MARCHF1: variants seen among roughly 807,000 people sequenced by gnomAD.
The protein encoded by MARCHF1 is E3 ubiquitin-protein ligase MARCHF1.
In MARCHF1, 40 loss-of-function variants were observed where a neutral mutation model predicts 54.2. The ratio of observed to expected loss-of-function variants is 0.74; its 90% CI spans 0.57 to 0.96. MARCHF1 has a LOEUF of 0.96. Among genes scored for constraint, MARCHF1 ranks in the 40% least tolerant of loss-of-function variants. MARCHF1 has a pLI of 0.00. For missense variants in MARCHF1, 586 were observed against 656.5 expected, an observed-to-expected ratio of 0.89 and a Z score of 1.17; for synonymous variants, 236 against 236.3, an observed-to-expected ratio of 1.00 and a Z score of 0.01.
At chr4:163,958,057 C>A (rs1221324169) in intron 3 of MARCHF1, among the ~76,000 whole-genome samples, 1 of 152,062 alleles carries the variant, frequency 6.6e-6, no homozygotes, top group Non-Finnish European at 1.5e-5. Flanking sequence ...CACTTCTCAA[C>A]TCCCTTTTAT....
At chr4:164,190,612 G>A (rs1326445023) in intron 1 of MARCHF1, among the ~76,000 whole-genome samples, 1 of 152,134 alleles carries the variant, frequency 6.6e-6, no homozygotes, top group Non-Finnish European at 1.5e-5. Context: ...TTAACAACTG[G>A]GTCATGTTCA....
At chr4:163,600,796 G>C (rs568125872) in intron 7 of MARCHF1, among the ~76,000 whole-genome samples, 1 of 152,168 alleles carries the variant, frequency 6.6e-6, no homozygotes, top group South Asian at 2.1e-4. Flanking sequence ...AACATGGAGA[G>C]GTTTTGATTA....
intron 2 of MARCHF1, among the ~76,000 whole-genome samples, chr4:164,052,146 TG>T (rs202201966): frequency 0.025 from 1,369 of 53,722 alleles, 15 homozygotes; most frequent in East Asian, 0.053. Flanking sequence ...TTTTTTTTTT[TG>T]TTTTTTTTGT....
At chr4:164,143,933 A>C (rs938392849) in intron 1 of MARCHF1, among the ~76,000 whole-genome samples, 4 of 152,192 alleles carry the variant, frequency 2.6e-5, no homozygotes, top group Non-Finnish European at 2.9e-5. Context: ...AACCCATCTC[A>C]CGTGCAGAGA....
Position 163,527,596 on chromosome 4 carries a change from C to CACTT in MARCHF1, c.*1148_*1151dup, listed in dbSNP as rs1275820585. 12 of 151,454 alleles carry CACTT rather than the reference C, an allele frequency of 7.9e-5. No individual in the cohort carries two copies. Among genetic ancestry groups the CACTT allele is most frequent in the African/African-American group, 1.2e-4 (5 of 41,272 alleles). 9.4% of individuals were successfully genotyped at this position (151,454 alleles called of 1,614,324 possible). ...ACTTCATCTGACTTTAAAATGAGGA[C>CACTT]ACTTAATTTAATGCTTTTAAAAATC... On this transcript the variant is annotated 3_prime_UTR_variant, in exon 10 of 10. Coordinates refer to ENST00000514618, the MANE Select transcript of MARCHF1 (RefSeq NM_001394959.1).
Position 163,527,538 on chromosome 4 carries a change from A to ATACTT in MARCHF1, c.*1205_*1209dup, listed in dbSNP as rs1560922291. ...GGCAGATTGATTGTTTTATCTTTCT[A>ATACTT]TACTTTTGGATTTTTACCCTTTAGA... On this transcript the variant is annotated 3_prime_UTR_variant, in exon 10 of 10. Coordinates refer to ENST00000514618, the MANE Select transcript of MARCHF1 (RefSeq NM_001394959.1). 3.9e-5 allele frequency: 6 copies of ATACTT among 152,046 alleles called. No homozygotes were observed. The highest frequency in any genetic ancestry group is 1.4e-4 in the African/African-American group (6 of 41,430). 9.4% of individuals were successfully genotyped at this position (152,046 alleles called of 1,614,324 possible). A position where few individuals can be genotyped will look rare whatever the true frequency, so the allele number is the denominator to read the frequency against.
chr4:164,243,467 T>A (rs1288493171), intron 1 of MARCHF1, among the ~76,000 whole-genome samples: 1 of 151,490 alleles, frequency 6.6e-6, no homozygotes, highest in Non-Finnish European at 1.5e-5. Flanking sequence ...GCACTAAACA[T>A]GGAAAGGAAC....
At chr4:163,625,957 C>G (rs1455970084) in intron 5 of MARCHF1, among the ~76,000 whole-genome samples, 1 of 152,072 alleles carries the variant, frequency 6.6e-6, no homozygotes, top group African/African-American at 2.4e-5. Context: ...TGGTACATTA[C>G]GAGAGCTTGG....
At chr4:163,738,762 A>G (rs1251821281) in intron 4 of MARCHF1, among the ~76,000 whole-genome samples, 1 of 152,224 alleles carries the variant, frequency 6.6e-6, no homozygotes. Flanking sequence ...CATAAAGACA[A>G]AAGCCACAGC....
rs572529755 is a variant in MARCHF1, at chr4:163,583,187, C to A, written c.1191+2562G>T. 8.6e-4 allele frequency among the ~76,000 whole-genome samples: 131 copies of A among 152,258 alleles called. 1 individual carries two copies. The highest frequency in any genetic ancestry group is 3.0e-3 in the African/African-American group (125 of 41,550). On this transcript the variant is annotated intron_variant, in intron 8 of 9. Transcript: ENST00000514618. ...CTGTGACGAATTTGAAAGCAAGTCC[C>A]TTTTTAAAGTGGCTAGATACCACTT... is the stretch of plus-strand genomic sequence containing the variant.
At chr4:164,338,406 T>C (rs896611202) in intron 1 of MARCHF1, among the ~76,000 whole-genome samples, 1 of 152,068 alleles carries the variant, frequency 6.6e-6, no homozygotes, top group Non-Finnish European at 1.5e-5. Flanking sequence ...ATCAATAAAA[T>C]GATTATAGTA....
intron 2 of MARCHF1, among the ~76,000 whole-genome samples, chr4:164,064,284 C>T (rs1037233704): frequency 6.6e-6 from 1 of 152,092 alleles, no homozygotes; most frequent in Non-Finnish European, 1.5e-5. Flanking sequence ...TTGATTTGTC[C>T]CATCCATGAA....
intron 1 of MARCHF1, among the ~76,000 whole-genome samples, chr4:164,242,106 C>G (rs956013304): frequency 2.4e-4 from 36 of 152,006 alleles, no homozygotes; most frequent in Non-Finnish European, 2.9e-4. Flanking sequence ...CCTGGAAGCT[C>G]GAACTGGGTG....
At chr4:163,671,466 A>C (rs1226707301) in intron 5 of MARCHF1, among the ~76,000 whole-genome samples, 1 of 152,322 alleles carries the variant, frequency 6.6e-6, no homozygotes, top group Admixed American at 6.5e-5. Flanking sequence ...TTACTTTCAG[A>C]AAGAGCACAA....
chr4:164,195,026 C>T (rs533426911), intron 1 of MARCHF1, among the ~76,000 whole-genome samples: 1 of 151,702 alleles, frequency 6.6e-6, no homozygotes, highest in East Asian at 1.9e-4. Context: ...CGTATGTTCT[C>T]ATTTTTCAAC....
At chr4:163,533,653 C>T (rs1305345926) in intron 9 of MARCHF1, among the ~76,000 whole-genome samples, 1 of 147,120 alleles carries the variant, frequency 6.8e-6, no homozygotes, top group Non-Finnish European at 1.5e-5. Context: ...TAACCTAAAT[C>T]TGCTCCAAAA....
At chr4:164,374,706 C>G (rs1731135530) in intron 1 of MARCHF1, among the ~76,000 whole-genome samples, 1 of 152,122 alleles carries the variant, frequency 6.6e-6, no homozygotes, top group Non-Finnish European at 1.5e-5. Flanking sequence ...TCCCCCATCT[C>G]TTTAATTCTC....
Position 163,909,544 on chromosome 4 carries a change from C to T in MARCHF1, c.-38-55375G>A, listed in dbSNP as rs767016886. On this transcript the variant is annotated intron_variant, in intron 3 of 9. Transcript: ENST00000514618. ...TGCCTTCTATGAGGGGTTCAATAGT[C>T]GAGTGGGAGGAGTATGCTTCATAGC... Among the ~76,000 whole-genome samples, 12 of 152,140 alleles carry T rather than the reference C, an allele frequency of 7.9e-5. No homozygotes were observed. In the South Asian group the frequency reaches 8.3e-4, roughly 11 times the overall value.
chr4:164,141,996 T>C (rs12331145), intron 1 of MARCHF1, among the ~76,000 whole-genome samples: 1,972 of 149,762 alleles, frequency 0.013, 40 homozygotes, highest in African/African-American at 0.043. Context: ...GGGCGAGGCA[T>C]TGCCTCACTC....
Sources: allele counts gnomAD v4.1 joint callset (sites outside exome capture counted in the v4.1 genomes callset), GRCh38; gene constraint gnomAD v4.1.1; transcripts MANE v1.5; gene names NCBI Gene and HGNC (gene_info 2026-07-23, HGNC 2026-07-21).